The following TMEFF1 variants were observed in gnomAD, a reference collection of about 807,000 sequenced individuals.
TMEFF1 encodes tomoregulin-1.
In TMEFF1, 20 loss-of-function variants were observed where a neutral mutation model predicts 47.5. The ratio of observed to expected loss-of-function variants is 0.42; its 90% CI spans 0.30 to 0.61. TMEFF1 has a LOEUF of 0.61. Ranked by LOEUF, TMEFF1 falls within the 20% of genes least tolerant of loss-of-function variation. The pLI, the probability that TMEFF1 is intolerant of heterozygous loss-of-function variation, is 0.19. For missense variants in TMEFF1, 411 were observed against 471.1 expected (o/e 0.87, Z 1.18); for synonymous variants, 162 against 166.3 (o/e 0.97, Z 0.20).
intron 8 of TMEFF1, among the ~76,000 whole-genome samples, chr9:100,567,049 G>A (rs1032924115): frequency 7.9e-5 from 12 of 152,088 alleles, no homozygotes; most frequent in African/African-American, 2.4e-4. Context: ...AAGTCAGTTC[G>A]TATCATTCCT....
chr9:100,539,323 C>T (rs1310378995), intron 5 of TMEFF1, among the ~76,000 whole-genome samples: 2 of 152,208 alleles, frequency 1.3e-5, no homozygotes, highest in Non-Finnish European at 2.9e-5. Context: ...AGCTTTCCTA[C>T]TGTGTCCGGA....
intron 5 of TMEFF1, among the ~76,000 whole-genome samples, chr9:100,530,292 C>T (rs570944341): frequency 2.6e-5 from 4 of 152,092 alleles, no homozygotes; most frequent in African/African-American, 9.6e-5. Flanking sequence ...TTAATGAATC[C>T]AGGAGCTGGT....
At position 100,485,732 on chromosome 9, in the gene TMEFF1, T is replaced by C. The variant is rs141637350; in HGVS notation, c.196+11992T>C. 2.5e-3 allele frequency among the ~76,000 whole-genome samples: 383 copies of C among 152,346 alleles called. 5 individuals carry two copies. The highest frequency in any genetic ancestry group is 8.7e-3 in the African/African-American group (360 of 41,588). On this transcript the variant is annotated intron_variant, in intron 1 of 9. Coordinates refer to ENST00000374879, the MANE Select transcript of TMEFF1 (RefSeq NM_003692.5). ...ACTATTTTCTTTATTCATATAATTC[T>C]ATTATTAGCTTCTTGAGCATTTAGG...
At chr9:100,483,909 G>A (rs1837392192) in intron 1 of TMEFF1, among the ~76,000 whole-genome samples, 2 of 151,882 alleles carry the variant, frequency 1.3e-5, no homozygotes, top group South Asian at 4.2e-4. Context: ...TAATTAAATA[G>A]TTAAACTTCC....
At chr9:100,487,739 A>G (rs1837476735) in intron 1 of TMEFF1, among the ~76,000 whole-genome samples, 1 of 149,562 alleles carries the variant, frequency 6.7e-6, no homozygotes, top group Non-Finnish European at 1.5e-5. Context: ...TCTTATAACC[A>G]TTGGAATCCT....
At chr9:100,571,924 T>C (rs1317458914) in intron 8 of TMEFF1, among the ~76,000 whole-genome samples, 2 of 152,050 alleles carry the variant, frequency 1.3e-5, no homozygotes, top group African/African-American at 4.8e-5. Context: ...TGCGCTCCTA[T>C]GAGAATCTAA....
intron 8 of TMEFF1, among the ~76,000 whole-genome samples, chr9:100,567,161 C>G (rs80282385): frequency 1.3e-5 from 2 of 152,268 alleles, no homozygotes; most frequent in South Asian, 2.1e-4. Context: ...CCCTCACCCC[C>G]TCTTCTGCAG....
chr9:100,547,182 A>G (rs1554688401), intron 5 of TMEFF1, among the ~76,000 whole-genome samples: 1 of 151,924 alleles, frequency 6.6e-6, no homozygotes, highest in Non-Finnish European at 1.5e-5. Context: ...TGCCTGGCTA[A>G]GTTTTTTATT....
intron 1 of TMEFF1, among the ~76,000 whole-genome samples, chr9:100,496,578 G>T (rs905537034): frequency 6.6e-6 from 1 of 152,184 alleles, no homozygotes; most frequent in African/African-American, 2.4e-5. Flanking sequence ...TAGCAGGGAT[G>T]ATTATTCCCC....
intron 4 of TMEFF1, 78 bp from the exon 5 acceptor site, chr9:100,516,597 A>G: frequency 6.5e-7 from 1 of 1,535,388 alleles, no homozygotes; most frequent in East Asian, 2.3e-5. Context: ...AAACAGGATA[A>G]TGACTGCTGA....
intron 1 of TMEFF1, among the ~76,000 whole-genome samples, chr9:100,493,171 C>G (rs766259511): frequency 1.3e-5 from 2 of 151,960 alleles, no homozygotes; most frequent in Non-Finnish European, 2.9e-5. Context: ...GGGCAGAGGC[C>G]AGGACTGTTG....
At chr9:100,548,893 A>G (rs1221852889) in intron 6 of TMEFF1, among the ~76,000 whole-genome samples, 2 of 152,124 alleles carry the variant, frequency 1.3e-5, no homozygotes, top group Non-Finnish European at 2.9e-5. Flanking sequence ...CCTTCTGGGT[A>G]GATGTCCCAC....
intron 1 of TMEFF1, among the ~76,000 whole-genome samples, chr9:100,487,404 G>A (rs535515450): frequency 2.1e-4 from 32 of 152,242 alleles, no homozygotes; most frequent in African/African-American, 7.5e-4. Flanking sequence ...CTGGCCTCAG[G>A]TGATCTGCCT....
intron 2 of TMEFF1, among the ~76,000 whole-genome samples, chr9:100,499,829 A>T (rs1177722123): frequency 6.6e-6 from 1 of 152,230 alleles, no homozygotes; most frequent in Non-Finnish European, 1.5e-5. Context: ...GTAAACCATC[A>T]GGTGGTTTAT....
chr9:100,485,897 G>GT (rs1486278131), intron 1 of TMEFF1, among the ~76,000 whole-genome samples: 1 of 152,076 alleles, frequency 6.6e-6, no homozygotes, highest in African/African-American at 2.4e-5. Context: ...TTTTTAAAAA[G>GT]TATCATGTAT....
At chr9:100,525,348 T>A (rs1838235267) in intron 5 of TMEFF1, among the ~76,000 whole-genome samples, 1 of 152,108 alleles carries the variant, frequency 6.6e-6, no homozygotes, top group Admixed American at 6.5e-5. Flanking sequence ...TCTGCCCAGA[T>A]GACCATAAAT....
chr9:100,522,228 A>G, intron 5 of TMEFF1, among the ~76,000 whole-genome samples: 1 of 152,060 alleles, frequency 6.6e-6, no homozygotes. Flanking sequence ...GATGGCAGTA[A>G]TTTTTGTCAT....
rs549042953 is a variant in TMEFF1, at chr9:100,539,735, G to A, written c.561-8009G>A. On this transcript the variant is annotated intron_variant, in intron 5 of 9. Transcript: ENST00000374879. ...CCACAGCGTGGAAGGGTACCTGAGC[G>A]GGTTGCCACTGCTGGCTTAGGCAGC... Among the ~76,000 whole-genome samples the A allele has an allele frequency of 5.3e-5, 8 of 152,282 alleles. No individual in the cohort carries two copies. The South Asian group carries it at 1.5e-3, about 28-fold the overall frequency.
chr9:100,542,911 C>G (rs976877628), intron 5 of TMEFF1, among the ~76,000 whole-genome samples: 1 of 145,590 alleles, frequency 6.9e-6, no homozygotes, highest in African/African-American at 2.5e-5. Context: ...ACTCTTCCAT[C>G]TCTCTCTCTC....
Sources: allele counts gnomAD v4.1 joint callset (sites outside exome capture counted in the v4.1 genomes callset), GRCh38; gene constraint gnomAD v4.1.1; transcripts MANE v1.5; gene names NCBI Gene and HGNC (gene_info 2026-07-23, HGNC 2026-07-21).